The following MAPKAP1 variants were observed in gnomAD, a reference collection of about 807,000 sequenced individuals.
MAPKAP1 encodes the protein target of rapamycin complex 2 subunit MAPKAP1.
In MAPKAP1, 20 loss-of-function variants were observed where a neutral mutation model predicts 65.7. The observed-to-expected ratio is 0.30, with a 90% CI of 0.21 to 0.44. The LOEUF (loss-of-function observed/expected upper bound fraction) is 0.44. Among genes scored for constraint, MAPKAP1 ranks in the 20% least tolerant of loss-of-function variants. The pLI, the probability that MAPKAP1 is intolerant of heterozygous loss-of-function variation, is 1.00. For missense variants in MAPKAP1, 423 were observed against 648.0 expected (o/e 0.65, Z 3.77); for synonymous variants, 222 against 244.3 (o/e 0.91, Z 0.85).
At chr9:125,631,338 A>C (rs537981547) in intron 4 of MAPKAP1, among the ~76,000 whole-genome samples, 1 of 152,358 alleles carries the variant, frequency 6.6e-6, no homozygotes, top group Non-Finnish European at 1.5e-5. Context: ...AAATGAATGA[A>C]GACAACTGCC....
chr9:125,528,444 G>A (rs1589260098), intron 7 of MAPKAP1, among the ~76,000 whole-genome samples: 1 of 152,324 alleles, frequency 6.6e-6, no homozygotes, highest in East Asian at 1.9e-4. Context: ...TAGGAGATGC[G>A]TGGAAACGAG....
chr9:125,456,814 A>AC (rs1034502499), intron 10 of MAPKAP1, among the ~76,000 whole-genome samples: 7 of 151,940 alleles, frequency 4.6e-5, no homozygotes, highest in African/African-American at 1.5e-4. Context: ...CTTTTGAGAG[A>AC]CCCCAAGCCA....
Position 125,698,288 on chromosome 9 carries a change from AATATATATATATATATATAT to A in MAPKAP1, c.-70+8663_-70+8682del, listed in dbSNP as rs57303829. 3.4e-3 allele frequency among the ~76,000 whole-genome samples: 166 copies of A among 49,032 alleles called. 3 individuals are homozygous for A. In the Middle Eastern group the frequency reaches 0.036, roughly 11 times the overall value. The allele number at this position is 49,032 out of a possible 152,430, so 32.2% of individuals were successfully genotyped here. On this transcript the variant is annotated intron_variant, in intron 1 of 11. Coordinates refer to ENST00000265960, the MANE Select transcript of MAPKAP1 (RefSeq NM_001006617.3). ...ATATATATAATACATAATATATATA[AATATATATATATATATATAT>A]ATATATATATATATATATATATATA... is the stretch of plus-strand genomic sequence containing the variant.
chr9:125,530,767 C>CT (rs1433194036), intron 7 of MAPKAP1, among the ~76,000 whole-genome samples: 3 of 152,206 alleles, frequency 2.0e-5, no homozygotes, highest in Non-Finnish European at 4.4e-5. Flanking sequence ...TTTCTATAGA[C>CT]TTAATTCACT....
At chr9:125,577,597 G>C (rs1478408901) in intron 5 of MAPKAP1, among the ~76,000 whole-genome samples, 1 of 100,468 alleles carries the variant, frequency 1.0e-5, no homozygotes, top group Non-Finnish European at 2.1e-5. Flanking sequence ...CAGCCGCCCC[G>C]TCCGGGAGGG....
intron 1 of MAPKAP1, among the ~76,000 whole-genome samples, chr9:125,677,066 T>C (rs1834667188): frequency 6.6e-6 from 1 of 152,226 alleles, no homozygotes; most frequent in Non-Finnish European, 1.5e-5. Context: ...AATGCTATTC[T>C]ACACTTTCAC....
chr9:125,706,740 C>T (rs1835773986), intron 1 of MAPKAP1, among the ~76,000 whole-genome samples: 1 of 152,064 alleles, frequency 6.6e-6, no homozygotes, highest in Non-Finnish European at 1.5e-5. Flanking sequence ...CACCCCCACA[C>T]TACCAGGTCA....
chr9:125,609,659 T>C (rs1432355722), intron 4 of MAPKAP1, among the ~76,000 whole-genome samples: 1 of 152,206 alleles, frequency 6.6e-6, no homozygotes, highest in Non-Finnish European at 1.5e-5. Flanking sequence ...AGCTTCATCC[T>C]GTTTTCCTCA....
chr9:125,703,432 A>C (rs1289036869), intron 1 of MAPKAP1, among the ~76,000 whole-genome samples: 1 of 152,198 alleles, frequency 6.6e-6, no homozygotes, highest in Non-Finnish European at 1.5e-5. Context: ...AACTTCACAA[A>C]AACTTCGAAC....
At chr9:125,625,255 T>TAAAAAAAAAAAAAAAAAAAAAAAAAAA (rs58671780) in intron 4 of MAPKAP1, among the ~76,000 whole-genome samples, 1 of 64,712 alleles carries the variant, frequency 1.5e-5, no homozygotes, top group Non-Finnish European at 3.0e-5. Context: ...AATAAATAAA[T>TAAAAAAAAAAAAAAAAAAAAAAAAAAA]AAAAAAAAAA....
chr9:125,610,340 T>C (rs1021441071), intron 4 of MAPKAP1, among the ~76,000 whole-genome samples: 2 of 152,204 alleles, frequency 1.3e-5, no homozygotes, highest in Non-Finnish European at 2.9e-5. Flanking sequence ...ATTTATGAAA[T>C]ATAAAAAGAG....
chr9:125,565,279 A>G (rs892756143), intron 5 of MAPKAP1: 2 of 152,530 alleles, frequency 1.3e-5, no homozygotes, highest in East Asian at 1.9e-4. Context: ...GCCCATATAT[A>G]GATAGCATTT....
At chr9:125,457,271 G>A (rs909366606) in intron 10 of MAPKAP1, among the ~76,000 whole-genome samples, 1 of 152,190 alleles carries the variant, frequency 6.6e-6, no homozygotes, top group Non-Finnish European at 1.5e-5. Context: ...TTATAGGCAT[G>A]AGCCACTGTG....
chr9:125,681,394 A>G (rs371775840), intron 1 of MAPKAP1, among the ~76,000 whole-genome samples: 18 of 152,218 alleles, frequency 1.2e-4, no homozygotes, highest in African/African-American at 4.1e-4. Context: ...CATCTCTGTC[A>G]TTCCAGCTGT....
At chr9:125,457,262 T>A (rs929463155) in intron 10 of MAPKAP1, among the ~76,000 whole-genome samples, 1 of 152,174 alleles carries the variant, frequency 6.6e-6, no homozygotes, top group Non-Finnish European at 1.5e-5. Flanking sequence ...GTACTGGGAT[T>A]ATAGGCATGA....
chr9:125,636,017 T>C (rs922993774), intron 4 of MAPKAP1, among the ~76,000 whole-genome samples: 3 of 152,238 alleles, frequency 2.0e-5, no homozygotes, highest in African/African-American at 4.8e-5. Context: ...ACTCCTGGTA[T>C]CAGCTGCGGC....
chr9:125,466,527 T>G (rs372961343), intron 10 of MAPKAP1, among the ~76,000 whole-genome samples: 5 of 152,192 alleles, frequency 3.3e-5, no homozygotes, highest in African/African-American at 1.2e-4. Flanking sequence ...AATGTTACTG[T>G]TCAAAGCATC....
chr9:125,578,808 T>C (rs1032617104), intron 5 of MAPKAP1, among the ~76,000 whole-genome samples: 10 of 152,336 alleles, frequency 6.6e-5, no homozygotes, highest in African/African-American at 2.4e-4. Flanking sequence ...TTTCTCTTAA[T>C]CATCCATAGA....
chr9:125,494,910 G>A (rs1490416796), intron 8 of MAPKAP1, among the ~76,000 whole-genome samples: 1 of 152,200 alleles, frequency 6.6e-6, no homozygotes. Context: ...TCAGCACAGT[G>A]GCTGGCCCAG....
Sources: allele counts gnomAD v4.1 joint callset (sites outside exome capture counted in the v4.1 genomes callset), GRCh38; gene constraint gnomAD v4.1.1; transcripts MANE v1.5; gene names NCBI Gene and HGNC (gene_info 2026-07-23, HGNC 2026-07-21).